Variants in GPR39 observed in about 807,000 individuals in gnomAD.
The protein encoded by GPR39 is G protein-coupled receptor 39.
GPR39 carries 23 observed loss-of-function variants against 18.4 expected under a neutral mutation model. That is an observed-to-expected ratio of 1.25 (90% confidence interval 0.90 to 1.77). The LOEUF (loss-of-function observed/expected upper bound fraction) is 1.77, where lower values mean the gene tolerates loss of function less well. Ranked by LOEUF, GPR39 falls within the 40% of genes most tolerant of loss-of-function variation. The pLI is 0.00. For missense variants in GPR39, 647 were observed against 602.4 expected (o/e 1.07, Z -0.78); for synonymous variants, 280 against 257.9 (o/e 1.09, Z -0.82).
At chr2:132,508,592 C>A (rs1323134605) in intron 1 of GPR39, among the ~76,000 whole-genome samples, 1 of 151,640 alleles carries the variant, frequency 6.6e-6, no homozygotes, top group East Asian at 1.9e-4. Flanking sequence ...AAATGACTAA[C>A]AAGCCAGAGG....
At chr2:132,466,052 C>T (rs1680922110) in intron 1 of GPR39, among the ~76,000 whole-genome samples, 1 of 152,018 alleles carries the variant, frequency 6.6e-6, no homozygotes, top group Admixed American at 6.5e-5. Flanking sequence ...CTTTCCTTGC[C>T]AGCCTTGCAG....
intron 1 of GPR39, among the ~76,000 whole-genome samples, chr2:132,603,535 C>T (rs1040025612): frequency 1.3e-5 from 2 of 152,106 alleles, no homozygotes; most frequent in Non-Finnish European, 2.9e-5. Context: ...AAGTTCCCTA[C>T]ACAAAGAAAT....
chr2:132,636,063 G>C (rs1171858027), intron 1 of GPR39, among the ~76,000 whole-genome samples: 1 of 152,176 alleles, frequency 6.6e-6, no homozygotes, highest in Non-Finnish European at 1.5e-5. Context: ...AGCCTGAGTT[G>C]ATGAGTACAC....
At chr2:132,430,193 C>A (rs2104758262) in intron 1 of GPR39, among the ~76,000 whole-genome samples, 1 of 152,320 alleles carries the variant, frequency 6.6e-6, no homozygotes, top group South Asian at 2.1e-4. Flanking sequence ...TGGTAGTTAT[C>A]AACCCTGCTA....
intron 1 of GPR39, among the ~76,000 whole-genome samples, chr2:132,510,247 A>T (rs1679214973): frequency 6.6e-6 from 1 of 152,184 alleles, no homozygotes; most frequent in African/African-American, 2.4e-5. Context: ...CAGTGAGACA[A>T]AACACTCACA....
chr2:132,633,927 A>AG (rs547605880), intron 1 of GPR39, among the ~76,000 whole-genome samples: 8 of 144,334 alleles, frequency 5.5e-5, no homozygotes, highest in Non-Finnish European at 1.0e-4. Flanking sequence ...GTGTGGTAGC[A>AG]GTGTTATTAG....
At chr2:132,438,835 G>A (rs1397475870) in intron 1 of GPR39, among the ~76,000 whole-genome samples, 1 of 152,120 alleles carries the variant, frequency 6.6e-6, no homozygotes, top group Non-Finnish European at 1.5e-5. Context: ...CCAAGCCCTG[G>A]AGAGAAGGGG....
chr2:132,645,325 T>C lies in GPR39; in HGVS notation c.1081T>C (p.Cys361Arg). Reference protein sequence around the residue: ...FRRVFVQVLCCRLSLQHANHE... With the variant: ...FRRVFVQVLCRRLSLQHANHE... Reference sequence around the variant, plus strand: ...GCGGGTGTTCGTGCAGGTGCTGTGCTGCCGCCTGTCGCTGCAGCACGCCAA... The same window carrying C: ...GCGGGTGTTCGTGCAGGTGCTGTGCCGCCGCCTGTCGCTGCAGCACGCCAA... The change falls in exon 2 of 2, where the codon TGC becomes CGC. Residue 361 changes from cysteine (C) to arginine (R), a missense_variant. Physicochemically the swap from Cys to Arg is radical, Grantham distance 180. Around this residue, in one of 3 missense-constraint regions of GPR39, gnomAD observed 581 missense variants for 506.8 expected, o/e 1.15. Transcript: ENST00000329321. The C allele has an allele frequency of 3.7e-6, 6 of 1,614,212 alleles. No individual in the cohort carries two copies. The highest frequency in any genetic ancestry group is 1.6e-4 in the Middle Eastern group (1 of 6,062).
At chr2:132,606,632 G>A (rs1305313089) in intron 1 of GPR39, among the ~76,000 whole-genome samples, 1 of 152,248 alleles carries the variant, frequency 6.6e-6, no homozygotes, top group African/African-American at 2.4e-5. Flanking sequence ...TGTTAGTTCA[G>A]TTAGATCCTT....
chr2:132,526,053 T>C (rs930479859), intron 1 of GPR39, among the ~76,000 whole-genome samples: 1 of 151,950 alleles, frequency 6.6e-6, no homozygotes, highest in African/African-American at 2.4e-5. Context: ...GTTCTGAAAA[T>C]GGGATATTTA....
chr2:132,538,553 T>C (rs1209469057), intron 1 of GPR39, among the ~76,000 whole-genome samples: 1 of 152,234 alleles, frequency 6.6e-6, no homozygotes, highest in African/African-American at 2.4e-5. Flanking sequence ...GAGGCATCTG[T>C]TCCTTAGCAG....
chr2:132,453,042 T>G (rs2104772027), intron 1 of GPR39, among the ~76,000 whole-genome samples: 1 of 152,320 alleles, frequency 6.6e-6, no homozygotes, highest in Middle Eastern at 3.4e-3. Flanking sequence ...TCTACATCCT[T>G]GAGGAATCAC....
intron 1 of GPR39, among the ~76,000 whole-genome samples, chr2:132,472,877 G>T (rs1157206877): frequency 8.6e-5 from 13 of 151,978 alleles, no homozygotes; most frequent in African/African-American, 2.4e-4. Flanking sequence ...TAACACAAGG[G>T]AGCTATTTTT....
Position 132,546,839 on chromosome 2 carries a change from C to CAAAAAAAAAAAAAAAAAAAAAA in GPR39, c.857-98257_857-98236dup, listed in dbSNP as rs60267293. 4.7e-4 allele frequency among the ~76,000 whole-genome samples: 16 copies of CAAAAAAAAAAAAAAAAAAAAAA among 33,970 alleles called. 2 individuals are homozygous for CAAAAAAAAAAAAAAAAAAAAAA. Among genetic ancestry groups the CAAAAAAAAAAAAAAAAAAAAAA allele is most frequent in the African/African-American group, 6.3e-4 (7 of 11,070 alleles). The allele number at this position is 33,970 out of a possible 152,430, so 22.3% of individuals were successfully genotyped here. On this transcript the variant is annotated intron_variant, in intron 1 of 1. Transcript: ENST00000329321. Reference sequence around the variant, plus strand: ...TCTCCAGGATGCAGTAGCTCCACAGCAAAAAAAAAAAAAAAAAAAAAAAAA... The same window carrying CAAAAAAAAAAAAAAAAAAAAAA: ...TCTCCAGGATGCAGTAGCTCCACAGCAAAAAAAAAAAAAAAAAAAAAAAAAAAAAAAAAAAAAAAAAAAAAAA...
At chr2:132,526,308 A>T (rs1679507683) in intron 1 of GPR39, among the ~76,000 whole-genome samples, 1 of 152,180 alleles carries the variant, frequency 6.6e-6, no homozygotes, top group Non-Finnish European at 1.5e-5. Flanking sequence ...AGCCATAAGG[A>T]TTGCAGACCT....
Position 132,458,676 on chromosome 2 carries a change from C to A in GPR39, c.856+40778C>A, listed in dbSNP as rs185022392. Among the ~76,000 whole-genome samples the A allele has an allele frequency of 4.3e-3, 657 of 152,042 alleles. 2 individuals are homozygous for A. Among genetic ancestry groups the A allele is most frequent in the Non-Finnish European group, 4.0e-3 (275 of 67,988 alleles). ...GCCTGTAGTTTTTCCTTCTTGATGA[C>A]AAAGTTTTGAATTCTTTGAATTTTC... On this transcript the variant is annotated intron_variant, in intron 1 of 1. Coordinates refer to ENST00000329321, the MANE Select transcript of GPR39 (RefSeq NM_001508.3).
At chr2:132,569,060 C>A (rs1257856143) in intron 1 of GPR39, among the ~76,000 whole-genome samples, 1 of 152,014 alleles carries the variant, frequency 6.6e-6, no homozygotes, top group Non-Finnish European at 1.5e-5. Context: ...GGACTAGCAC[C>A]CAAGGGTTGT....
chr2:132,417,297 CG>C lies in GPR39; in HGVS notation c.257del (p.Gly86AlafsTer14). On this transcript the variant is annotated frameshift_variant, in exon 1 of 2. Coordinates refer to ENST00000329321, the MANE Select transcript of GPR39 (RefSeq NM_001508.3). LOFTEE classifies it high-confidence loss of function. Reference sequence around the variant, plus strand: ...GCTCGGACATCTTGGTGTTCCTCATCGGCATGCCCATGGAGTTCTACAGCAT... The same window carrying C: ...GCTCGGACATCTTGGTGTTCCTCATCGCATGCCCATGGAGTTCTACAGCAT... ...ACSDILVFLI[G>X]MPMEFYSIIW... 1 of 1,614,170 alleles carries C rather than the reference CG, an allele frequency of 6.2e-7. No individual in the cohort carries two copies. Among genetic ancestry groups the C allele is most frequent in the Non-Finnish European group, 8.5e-7 (1 of 1,180,038 alleles).
intron 1 of GPR39, among the ~76,000 whole-genome samples, chr2:132,532,371 A>G (rs535905128): frequency 6.6e-6 from 1 of 152,288 alleles, no homozygotes; most frequent in Admixed American, 6.5e-5. Flanking sequence ...CAACCCAAAA[A>G]AAGTCCAGGA....
Sources: gnomAD v4.1 joint callset for allele counts (sites outside exome capture counted in the v4.1 genomes callset) on GRCh38, gnomAD v4.1.1 for gene constraint, gnomAD v4.1.1 regional missense constraint, MANE v1.5 for transcripts, NCBI Gene and HGNC (gene_info 2026-07-23, HGNC 2026-07-21) for gene names.